The following AIG1 variants were observed in gnomAD, a reference collection of about 807,000 sequenced individuals.
AIG1 encodes the protein androgen-induced gene 1 protein.
A neutral mutation model predicts 31.4 loss-of-function variants in AIG1; 23 were observed. The ratio of observed to expected loss-of-function variants is 0.73; its 90% CI spans 0.53 to 1.04. AIG1 has a LOEUF of 1.04. Among genes scored for constraint, AIG1 ranks in the 50% least tolerant of loss-of-function variants. The pLI, the probability that AIG1 is intolerant of heterozygous loss-of-function variation, is 0.00. For missense variants in AIG1, 274 were observed against 295.0 expected (o/e 0.93, Z 0.52); for synonymous variants, 100 against 110.5 (o/e 0.90, Z 0.60).
chr6:143,154,136 C>T (rs1197196707), intron 2 of AIG1, among the ~76,000 whole-genome samples: 1 of 151,944 alleles, frequency 6.6e-6, no homozygotes, highest in African/African-American at 2.4e-5. Flanking sequence ...CCTGACCTCA[C>T]ATTCTGGTTT....
chr6:143,248,405 T>G (rs1014391503), intron 3 of AIG1, among the ~76,000 whole-genome samples: 16 of 152,134 alleles, frequency 1.1e-4, no homozygotes, highest in African/African-American at 3.9e-4. Context: ...CCCTCAAATA[T>G]AGGGTGTAAT....
intron 3 of AIG1, among the ~76,000 whole-genome samples, chr6:143,181,367 A>G (rs1788702794): frequency 1.3e-5 from 2 of 152,194 alleles, no homozygotes; most frequent in Non-Finnish European, 1.5e-5. Context: ...TACATCAACA[A>G]TGAGTCAGAT....
At position 143,092,471 on chromosome 6, in the gene AIG1, G is replaced by A. The variant is rs9373373; in HGVS notation, c.141+31405G>A. On this transcript the variant is annotated intron_variant, in intron 1 of 5. Coordinates refer to ENST00000357847, the MANE Select transcript of AIG1 (RefSeq NM_016108.4). ...AGTCAAAATTCCCTCTTGATCCATG[G>A]GCTGCAGAATGGGTGTTGTGTCAGA... Among the ~76,000 whole-genome samples, 424 of 151,938 alleles carry A rather than the reference G, an allele frequency of 2.8e-3. 10 individuals carry two copies. In the East Asian group the frequency reaches 0.05, roughly 18 times the overall value.
upstream of AIG1, chr6:143,060,842 C>G: frequency 2.2e-6 from 2 of 889,734 alleles, no homozygotes; most frequent in Non-Finnish European, 2.7e-6. Flanking sequence ...CGCCCGGGTT[C>G]CCACGGCGCC....
intron 3 of AIG1, among the ~76,000 whole-genome samples, chr6:143,202,352 C>CA (rs1031914824): frequency 5.9e-5 from 9 of 151,876 alleles, no homozygotes; most frequent in African/African-American, 2.2e-4. Flanking sequence ...CAGCTAATCA[C>CA]AAAAAAACAG....
In AIG1 at chr6:143,339,733, C is replaced by T. The variant is rs890365391; in HGVS notation, c.*57C>T. Reference sequence around the variant, plus strand: ...GCCGCCATTGAAGACTCCTTCCCCTCGGGCATTGGCAGTGGGGGAGAAAAG... The same window carrying T: ...GCCGCCATTGAAGACTCCTTCCCCTTGGGCATTGGCAGTGGGGGAGAAAAG... On this transcript the variant is annotated 3_prime_UTR_variant, in exon 6 of 6. Transcript: ENST00000357847. 38 of 1,582,060 alleles carry T rather than the reference C, an allele frequency of 2.4e-5. No homozygotes were observed. In the African/African-American group the frequency reaches 2.8e-4, roughly 12 times the overall value.
At chr6:143,075,996 G>A (rs1777695040) in intron 1 of AIG1, among the ~76,000 whole-genome samples, 1 of 152,116 alleles carries the variant, frequency 6.6e-6, no homozygotes. Context: ...GAGAATATGG[G>A]CCATCATGTT....
intron 3 of AIG1, among the ~76,000 whole-genome samples, chr6:143,177,719 G>A (rs1413347455): frequency 1.3e-5 from 2 of 152,164 alleles, no homozygotes; most frequent in African/African-American, 4.8e-5. Context: ...TCTACCACTG[G>A]AGTGGGCAGG....
intron 3 of AIG1, among the ~76,000 whole-genome samples, chr6:143,177,581 C>T (rs1275080668): frequency 6.6e-6 from 1 of 152,208 alleles, no homozygotes; most frequent in Non-Finnish European, 1.5e-5. Flanking sequence ...TCATTGGTGT[C>T]TGTGAGTACC....
At chr6:143,098,877 G>T (rs933665185) in intron 1 of AIG1, among the ~76,000 whole-genome samples, 1 of 152,076 alleles carries the variant, frequency 6.6e-6, no homozygotes, top group Non-Finnish European at 1.5e-5. Context: ...AATGTAAACC[G>T]TTTGGTAGCT....
At chr6:143,234,985 G>C (rs1349711058) in intron 3 of AIG1, among the ~76,000 whole-genome samples, 1 of 152,174 alleles carries the variant, frequency 6.6e-6, no homozygotes, top group East Asian at 1.9e-4. Context: ...TTCCTGGGGC[G>C]GGGGTGGAGA....
At position 143,149,707 on chromosome 6, in the gene AIG1, A is replaced by G. The variant is rs9403449; in HGVS notation, c.297+12717A>G. The stretch of plus-strand genomic sequence containing the variant: ...CACACTGTAGAGCCAATGGTTTTAT[A>G]CAGTTTTACGGAACAGCTTGCAAAG... On this transcript the variant is annotated intron_variant, in intron 2 of 5. Coordinates refer to ENST00000357847, the MANE Select transcript of AIG1 (RefSeq NM_016108.4). Among the ~76,000 whole-genome samples the G allele has an allele frequency of 2.9e-3, 449 of 152,282 alleles. 14 individuals are homozygous for G. The East Asian group carries it at 0.053, about 18-fold the overall frequency.
intron 4 of AIG1, among the ~76,000 whole-genome samples, chr6:143,302,633 A>G (rs1798913216): frequency 6.6e-6 from 1 of 152,144 alleles, no homozygotes; most frequent in South Asian, 2.1e-4. Context: ...ATTGTTGGAC[A>G]TTTGGGTTGG....
chr6:143,202,744 A>G (rs928272227), intron 3 of AIG1, among the ~76,000 whole-genome samples: 19 of 152,200 alleles, frequency 1.2e-4, no homozygotes, highest in African/African-American at 4.3e-4. Context: ...AAATCCCAGC[A>G]TATGGGGAAC....
intron 2 of AIG1, among the ~76,000 whole-genome samples, chr6:143,140,588 A>T (rs1006702611): frequency 6.6e-6 from 1 of 152,182 alleles, no homozygotes; most frequent in African/African-American, 2.4e-5. Flanking sequence ...ACAAGGAATC[A>T]CATGAAGAAG....
chr6:143,101,702 C>T (rs1040094932), intron 1 of AIG1, among the ~76,000 whole-genome samples: 11 of 152,046 alleles, frequency 7.2e-5, no homozygotes, highest in African/African-American at 2.2e-4. Flanking sequence ...AAATTGGGTT[C>T]AGTATATACT....
intron 3 of AIG1, among the ~76,000 whole-genome samples, chr6:143,245,191 C>A (rs1794533372): frequency 6.6e-6 from 1 of 151,996 alleles, no homozygotes; most frequent in Non-Finnish European, 1.5e-5. Context: ...GTATAGTTGG[C>A]AAAACACTTT....
At chr6:143,239,609 A>G (rs1794081435) in intron 3 of AIG1, among the ~76,000 whole-genome samples, 1 of 152,110 alleles carries the variant, frequency 6.6e-6, no homozygotes. Context: ...CTGCTTCCAC[A>G]TCCATGTTTA....
intron 3 of AIG1, among the ~76,000 whole-genome samples, chr6:143,175,968 G>T (rs987595506): frequency 5.3e-5 from 8 of 152,190 alleles, no homozygotes; most frequent in Admixed American, 1.3e-4. Context: ...ATTCAAGGCT[G>T]CTGTTCAGAT....
Sources: allele counts gnomAD v4.1 joint callset (sites outside exome capture counted in the v4.1 genomes callset), GRCh38; gene constraint gnomAD v4.1.1; transcripts MANE v1.5; gene names NCBI Gene and HGNC (gene_info 2026-07-23, HGNC 2026-07-21).